The following DGKA variants were observed in gnomAD, a reference collection of about 807,000 sequenced individuals.
DGKA encodes diacylglycerol kinase alpha.
A neutral mutation model predicts 105.0 loss-of-function variants in DGKA; 35 were observed. The observed-to-expected ratio is 0.33, with a 90% CI of 0.25 to 0.44. DGKA has a LOEUF of 0.44. DGKA is among the 20% of genes least tolerant of loss of function. The pLI is 1.00. For synonymous variants in DGKA, 296 were observed against 332.0 expected (o/e 0.89, Z 1.18); for missense variants, 665 against 915.0 (o/e 0.73, Z 3.53).
chr12:55,941,181 T>G, intron 13 of DGKA, 71 bp from the exon 14 acceptor site: 1 of 1,502,562 alleles, frequency 6.7e-7, no homozygotes, highest in Non-Finnish European at 9.1e-7. Flanking sequence ...CCTCTGCCCC[T>G]GTCTCCTGGG....
intron 17 of DGKA, among the ~76,000 whole-genome samples, chr12:55,948,547 G>C (rs1420173458): frequency 1.3e-5 from 2 of 151,888 alleles, no homozygotes; most frequent in African/African-American, 4.8e-5. Context: ...GGGCTACACA[G>C]TGAGACCTCA....
In DGKA at chr12:55,941,580, A is replaced by ATAGGGTGAGCACAGGT; in HGVS notation, c.1250+2_1250+17dup. The ATAGGGTGAGCACAGGT allele has an allele frequency of 6.2e-7, 1 of 1,614,090 alleles. No homozygotes were observed. The highest frequency in any genetic ancestry group is 8.5e-7 in the Non-Finnish European group (1 of 1,179,966). ...CAACCTCCTAAAGGATGGTCCTGAGATAGGGTGAGCACAGGTTAGGGACTG... is the reference window on the plus strand; with the variant it reads ...CAACCTCCTAAAGGATGGTCCTGAGATAGGGTGAGCACAGGTTAGGGTGAGCACAGGTTAGGGACTG... On this transcript the variant is annotated stop_gained and frameshift_variant, in exon 15 of 24. Coordinates refer to ENST00000331886, the MANE Select transcript of DGKA (RefSeq NM_001345.5). LOFTEE classifies it high-confidence loss of function.
intron 17 of DGKA, among the ~76,000 whole-genome samples, chr12:55,948,497 G>A (rs1887496347): frequency 6.6e-6 from 1 of 152,024 alleles, no homozygotes; most frequent in African/African-American, 2.4e-5. Flanking sequence ...GGAGGCCAAG[G>A]CTGGAGGATC....
intron 3 of DGKA, 33 bp downstream of exon 3, chr12:55,937,123 C>A: frequency 1.9e-6 from 3 of 1,607,222 alleles, no homozygotes; most frequent in South Asian, 2.2e-5. Flanking sequence ...TCTTCTTGAT[C>A]AACTCTTCCC....
At chr12:55,943,273 CCTTT>C (rs1298825810) in intron 17 of DGKA, 1 of 151,696 alleles carries the variant, frequency 6.6e-6, no homozygotes, top group Non-Finnish European at 1.5e-5. Flanking sequence ...ATTCACTTTC[CCTTT>C]CTTTTTTTTT....
chr12:55,952,401 C>T lies in DGKA; in HGVS notation c.1713C>T (p.Cys571=). 1 of 1,614,124 alleles carries T rather than the reference C, an allele frequency of 6.2e-7. No individual in the cohort carries two copies. The highest frequency in any genetic ancestry group is 2.2e-5 in the East Asian group (1 of 44,878). The change falls in exon 20 of 24, where the codon TGC becomes TGT. Residue 571 remains cysteine, a synonymous_variant. Coordinates refer to ENST00000331886, the MANE Select transcript of DGKA (RefSeq NM_001345.5). This position sits in a 1 kb window ranked among gnomAD's most constrained non-coding sequence, Gnocchi z 5.1. ...FATSESIFST[C]KKLEESLTVE... ...CATCTGAATCCATCTTCTCAACATG[C>T]AAAAAGCTGGAGGAGTCTTTGACAG...
chr12:55,953,837 C>A lies in DGKA; in HGVS notation c.*69C>A. On this transcript the variant is annotated 3_prime_UTR_variant, in exon 24 of 24. Coordinates refer to ENST00000331886, the MANE Select transcript of DGKA (RefSeq NM_001345.5). ...CTGTCCCTGGACTCTACTCCCGAGG[C>A]TCTGTACATTGCTGCCACATACTCC... The A allele has an allele frequency of 7.2e-7, 1 of 1,396,188 alleles. No individual in the cohort carries two copies. Among genetic ancestry groups the A allele is most frequent in the Non-Finnish European group, 1.0e-6 (1 of 987,606 alleles). 86.5% of individuals were successfully genotyped at this position (1,396,188 alleles called of 1,614,324 possible).
rs536362665 is a variant in DGKA at position 55,951,955 on chromosome 12, G to A, written c.1588-80G>A. ...ATCTTGGGACATGCTGTGGGGAGCA[G>A]CATGGGGACTTGGGAAAGAGGGGAG... On this transcript the variant is annotated intron_variant, in intron 18 of 23. Transcript: ENST00000331886. 22 of 1,561,692 alleles carry A rather than the reference G, an allele frequency of 1.4e-5. No homozygotes were observed. The African/African-American group carries it at 2.4e-4, about 17-fold the overall frequency.
chr12:55,939,729 A>C (rs967415401), intron 9 of DGKA, 200 bp downstream of exon 9: 1 of 614,732 alleles, frequency 1.6e-6, no homozygotes, highest in South Asian at 2.0e-5. Flanking sequence ...AGCATTAAAA[A>C]AGTTGGTGCA....
rs1330135067 is a variant in DGKA, at chr12:55,941,261, G to C, written c.1111G>C (p.Val371Leu). 1.2e-6 allele frequency: 2 copies of C among 1,613,238 alleles called. No individual in the cohort carries two copies. The highest frequency in any genetic ancestry group is 2.2e-5 in the South Asian group (2 of 91,056). Reference sequence around the variant, plus strand: ...TCTTCCCCCAATGCAGATTGACCCTGTTCCTAACACCCACCCACTTCTCGT... The same window carrying C: ...TCTTCCCCCAATGCAGATTGACCCTCTTCCTAACACCCACCCACTTCTCGT... ...STSEALRIDP[V>L]PNTHPLLVFV... The change falls in exon 14 of 24, where the codon GTT becomes CTT. Residue 371 changes from valine to leucine, a missense_variant. By Grantham distance (32) the Val-to-Leu change is conservative (BLOSUM62 1). Coordinates refer to ENST00000331886, the MANE Select transcript of DGKA (RefSeq NM_001345.5).
intron 17 of DGKA, among the ~76,000 whole-genome samples, chr12:55,946,365 GTTGTTT>G (rs1887001541): frequency 6.6e-6 from 1 of 151,156 alleles, no homozygotes; most frequent in Non-Finnish European, 1.5e-5. Flanking sequence ...TGTTGTTGTT[GTTGTTT>G]TTGGAGATGG....
rs531973769 is a variant in DGKA at position 55,934,523 on chromosome 12, G to T, written c.-81-1900G>T. On this transcript the variant is annotated intron_variant, in intron 1 of 23. Coordinates refer to ENST00000331886, the MANE Select transcript of DGKA (RefSeq NM_001345.5). ...AGTAGGCAGCAGAGATGTCCCAAGG[G>T]AAGAGGCTGCAGAGAAAGTTCTTGC... Among the ~76,000 whole-genome samples the T allele has an allele frequency of 6.6e-5, 10 of 152,278 alleles. No individual in the cohort carries two copies. In the East Asian group the frequency reaches 1.9e-3, roughly 29 times the overall value.
At position 55,939,418 on chromosome 12, in the gene DGKA, C is replaced by G. The variant is rs758477104; in HGVS notation, c.598C>G (p.Leu200Val). 6.2e-7 allele frequency: 1 copy of G among 1,614,166 alleles called. No individual in the cohort carries two copies. Among genetic ancestry groups the G allele is most frequent in the South Asian group, 1.1e-5 (1 of 91,082 alleles). Reference protein sequence around the residue: ...LLVLLGLEMTLKDDGQHMWRP... With the variant: ...LLVLLGLEMTVKDDGQHMWRP... ...AGCATCTACTGTGCCTTCCTAGACTCTGAAGGACGACGGACAGCACATGTG... is the reference window on the plus strand; with the variant it reads ...AGCATCTACTGTGCCTTCCTAGACTGTGAAGGACGACGGACAGCACATGTG... Residue 200 changes from leucine to valine, a missense_variant, in exon 9 of 24, where the codon CTG becomes GTG. By Grantham distance (32) the Leu-to-Val change is conservative (BLOSUM62 1). Transcript: ENST00000331886.
chr12:55,937,381 C>T, intron 3 of DGKA, 27 bp from the exon 4 acceptor site: 1 of 1,610,636 alleles, frequency 6.2e-7, no homozygotes, highest in African/African-American at 1.3e-5. Context: ...TGCAGACTCC[C>T]CAGGATAATG....
At chr12:55,936,873 T>A in intron 2 of DGKA, 144 bp from the exon 3 acceptor site, 1 of 869,892 alleles carries the variant, frequency 1.1e-6, no homozygotes, top group Non-Finnish European at 2.0e-6. Flanking sequence ...TTTTGGAGGA[T>A]CTGAAATATT....
At position 55,952,563 on chromosome 12, in the gene DGKA, C is replaced by T. The variant is rs900400415; in HGVS notation, c.1743+132C>T. On this transcript the variant is annotated intron_variant, in intron 20 of 23. Coordinates refer to ENST00000331886, the MANE Select transcript of DGKA (RefSeq NM_001345.5). This position sits in a 1 kb window ranked among gnomAD's most constrained non-coding sequence, Gnocchi z 5.1. ...CTTTAACCTCCCAGCTCTCCTACCC[C>T]AATTCTCCAAGTCCTCAAGATACAC... The T allele has an allele frequency of 1.2e-5, 14 of 1,178,524 alleles. No individual in the cohort carries two copies. In the African/African-American group the frequency reaches 2.0e-4, roughly 17 times the overall value. 73.0% of individuals were successfully genotyped at this position (1,178,524 alleles called of 1,614,324 possible).
rs1442984258 is a variant in DGKA, at chr12:55,942,031, G to A, written c.1284G>A (p.Arg428=). ...LRLFKDVPDS[R]ILVCGGDGTV... is the part of the protein sequence containing the mutation. The stretch of plus-strand genomic sequence containing the variant: ...TATTCAAGGATGTTCCTGATAGCCG[G>A]ATTTTGGTGTGTGGTGGAGACGGCA... The change falls in exon 16 of 24, where the codon CGG becomes CGA. Residue 428 remains arginine (R), a synonymous_variant. Transcript: ENST00000331886. The A allele has an allele frequency of 2.5e-6, 4 of 1,614,054 alleles. No homozygotes were observed. Among genetic ancestry groups the A allele is most frequent in the Non-Finnish European group, 2.5e-6 (3 of 1,180,032 alleles).
chr12:55,931,747 G>C (rs1385845541), intron 1 of DGKA: 1 of 152,326 alleles, frequency 6.6e-6, no homozygotes, highest in East Asian at 1.9e-4. Context: ...CCAGGTTTGG[G>C]ATGAAGGGAG....
intron 9 of DGKA, 62 bp downstream of exon 9, chr12:55,939,591 A>T: frequency 6.5e-7 from 1 of 1,539,980 alleles, no homozygotes; most frequent in South Asian, 1.1e-5. Flanking sequence ...TGGGAGCTTG[A>T]TGCTGTAAAC....
Sources: gnomAD v4.1 joint callset for allele counts (sites outside exome capture counted in the v4.1 genomes callset) on GRCh38, gnomAD v4.1.1 for gene constraint, Gnocchi (gnomAD v3.1) non-coding constraint, MANE v1.5 for transcripts, NCBI Gene and HGNC (gene_info 2026-07-23, HGNC 2026-07-21) for gene names.